RINT1: variants seen among roughly 807,000 people sequenced by gnomAD.
RINT1 encodes RAD50 interactor 1, also known as RAD50-interacting protein 1.
RINT1 carries 75 observed loss-of-function variants against 97.7 expected under a neutral mutation model. The observed-to-expected ratio is 0.77, with a 90% CI of 0.64 to 0.93. The LOEUF is 0.93. RINT1 is among the 40% of genes least tolerant of loss of function. RINT1 has a pLI of 0.00. For synonymous variants in RINT1, 303 were observed against 326.3 expected (o/e 0.93, Z 0.77); for missense variants, 892 against 925.2 (o/e 0.96, Z 0.47).
At position 105,565,440 on chromosome 7, in the gene RINT1, G is replaced by T. The variant is rs768627748; in HGVS notation, c.2050G>T (p.Val684Leu). The T allele has an allele frequency of 3.7e-6, 6 of 1,614,082 alleles. No individual in the cohort carries two copies. The highest frequency in any genetic ancestry group is 5.1e-6 in the Non-Finnish European group (6 of 1,179,946). Reference sequence around the variant, plus strand: ...GCAAATGCTTGTAGAGAAGCTGGATGTATACATCTACCAAGAAGTAAGTAA... The same window carrying T: ...GCAAATGCTTGTAGAGAAGCTGGATTTATACATCTACCAAGAAGTAAGTAA... ...FWQMLVEKLD[V>L]YIYQEIILAN... The change falls in exon 13 of 15, where the codon GTA becomes TTA. Residue 684 changes from valine (V) to leucine (L), a missense_variant. Transcript: ENST00000257700.
intron 10 of RINT1, among the ~76,000 whole-genome samples, chr7:105,553,976 G>T (rs1249900941): frequency 1.6e-4 from 21 of 128,860 alleles, no homozygotes; most frequent in African/African-American, 2.1e-4. Flanking sequence ...TCAGCTCACC[G>T]CAAGCTCTGC....
intron 14 of RINT1, among the ~76,000 whole-genome samples, chr7:105,566,008 G>A (rs1301083831): frequency 4.6e-5 from 7 of 152,108 alleles, no homozygotes; most frequent in African/African-American, 1.2e-4. Flanking sequence ...GGTGGCTCAC[G>A]CCTGTAATCC....
At chr7:105,565,214 G>C (rs904888408) in intron 12 of RINT1, 63 bp from the exon 13 acceptor site, 1 of 1,460,448 alleles carries the variant, frequency 6.8e-7, no homozygotes, top group African/African-American at 1.4e-5. Flanking sequence ...AATTTAAAAT[G>C]ATTTAAAAAC....
rs201836545 is a variant in RINT1 at position 105,555,241 on chromosome 7, C to T, written c.1671+14C>T. 22 of 1,589,542 alleles carry T rather than the reference C, an allele frequency of 1.4e-5. No individual in the cohort carries two copies. Among genetic ancestry groups the T allele is most frequent in the Non-Finnish European group, 1.7e-5 (20 of 1,160,634 alleles). ...GCTGACAATGTTGTGAGTTAATATG[C>T]TTTTATATTAAGTAATATATACTAG... On this transcript the variant is annotated intron_variant, in intron 11 of 14. Transcript: ENST00000257700.
intron 11 of RINT1, among the ~76,000 whole-genome samples, chr7:105,558,857 G>A (rs1323751229): frequency 6.6e-6 from 1 of 151,952 alleles, no homozygotes; most frequent in Non-Finnish European, 1.5e-5. Context: ...GCTACTTGGA[G>A]GCTGAGGTGG....
At chr7:105,565,496 A>T in intron 13 of RINT1, 34 bp from the exon 14 acceptor site, 1 of 1,610,912 alleles carries the variant, frequency 6.2e-7, no homozygotes, top group Non-Finnish European at 8.5e-7. Flanking sequence ...GTGATAATAA[A>T]GACAACTGTT....
At position 105,555,055 on chromosome 7, in the gene RINT1, C is replaced by T; in HGVS notation, c.1499C>T (p.Ser500Phe). 1 of 1,613,848 alleles carries T rather than the reference C, an allele frequency of 6.2e-7. No individual in the cohort carries two copies. The highest frequency in any genetic ancestry group is 8.5e-7 in the Non-Finnish European group (1 of 1,179,940). Residue 500 changes from serine to phenylalanine, a missense_variant, in exon 11 of 15, where the codon TCC becomes TTC. Coordinates refer to ENST00000257700, the MANE Select transcript of RINT1 (RefSeq NM_021930.6). Reference sequence around the variant, plus strand: ...AGGTATAAAAATCTTCCCACAGCTTCCCGAAAGCTTCAGTTCCTGGAGTTA... The same window carrying T: ...AGGTATAAAAATCTTCCCACAGCTTTCCGAAAGCTTCAGTTCCTGGAGTTA... Reference protein sequence around the residue: ...TDRYKNLPTASRKLQFLELQK... With the variant: ...TDRYKNLPTAFRKLQFLELQK...
At chr7:105,546,098 G>A (rs1790657947) in intron 4 of RINT1, among the ~76,000 whole-genome samples, 1 of 152,142 alleles carries the variant, frequency 6.6e-6, no homozygotes, top group Admixed American at 6.6e-5. Context: ...CAAAGTGCTG[G>A]GATTACAGGG....
chr7:105,561,256 G>A (rs1483471613), intron 11 of RINT1, among the ~76,000 whole-genome samples: 1 of 152,042 alleles, frequency 6.6e-6, no homozygotes, highest in Non-Finnish European at 1.5e-5. Flanking sequence ...CGCCAGGCAT[G>A]GTGGCTCACA....
chr7:105,548,740 T>G, intron 7 of RINT1, 30 bp downstream of exon 7: 1 of 1,571,934 alleles, frequency 6.4e-7, no homozygotes, highest in Non-Finnish European at 8.6e-7. Flanking sequence ...GTCCTTGGTT[T>G]TTATTGGTAA....
intron 3 of RINT1, among the ~76,000 whole-genome samples, chr7:105,538,348 G>A (rs1790328566): frequency 6.6e-6 from 1 of 152,128 alleles, no homozygotes; most frequent in African/African-American, 2.4e-5. Flanking sequence ...TTCTGTGTGG[G>A]TTATTTCCAG....
rs551292149 is a variant in RINT1, at chr7:105,543,821, T to C, written c.515+1172T>C. ...ATCTTTGTTTTTAGGCCAGGTGCAGTGGCTCACACCTGTAATCCCAGCACT... is the reference window on the plus strand; with the variant it reads ...ATCTTTGTTTTTAGGCCAGGTGCAGCGGCTCACACCTGTAATCCCAGCACT... On this transcript the variant is annotated intron_variant, in intron 4 of 14. Transcript: ENST00000257700. Among the ~76,000 whole-genome samples, 108 of 152,124 alleles carry C rather than the reference T, an allele frequency of 7.1e-4. 1 individual carries two copies. The South Asian group carries it at 0.011, about 15-fold the overall frequency.
chr7:105,545,749 C>T (rs192282664), intron 4 of RINT1, among the ~76,000 whole-genome samples: 424 of 150,802 alleles, frequency 2.8e-3, no homozygotes, highest in Middle Eastern at 0.014. Flanking sequence ...AGGCTGGTCT[C>T]GAACTCCTGA....
intron 6 of RINT1, 54 bp from the exon 7 acceptor site, chr7:105,548,500 T>C: frequency 6.5e-7 from 1 of 1,536,390 alleles, no homozygotes; most frequent in Non-Finnish European, 9.0e-7. Context: ...CATACATATG[T>C]GTGTGTATAT....
chr7:105,565,368 CTT>C lies in RINT1; in HGVS notation c.1979_1980del (p.Leu660ProfsTer12). The C allele has an allele frequency of 2.5e-6, 4 of 1,614,166 alleles. No homozygotes were observed. The highest frequency in any genetic ancestry group is 3.4e-6 in the Non-Finnish European group (4 of 1,180,016). On this transcript the variant is annotated frameshift_variant, in exon 13 of 15. Transcript: ENST00000257700. LOFTEE classifies it high-confidence loss of function. ...PLLLTLRDHLLQLEQQLCFSL... is the reference protein window; with the variant it reads ...PLLLTLRDHLXQLEQQLCFSL... ...GCTGCTGACGTTACGAGACCATTTA[CTT>C]CAGTTGGAGCAGCAGCTTTGTTTCT...
chr7:105,536,365 G>T (rs1268079934), intron 2 of RINT1, among the ~76,000 whole-genome samples, 200 bp from the exon 3 acceptor site: 1 of 151,864 alleles, frequency 6.6e-6, no homozygotes, highest in Admixed American at 6.6e-5. Context: ...CGCCGTGTTT[G>T]CCAGGCTAGT....
At chr7:105,540,891 G>A (rs1265138067) in intron 3 of RINT1, among the ~76,000 whole-genome samples, 4 of 147,598 alleles carry the variant, frequency 2.7e-5, no homozygotes, top group Non-Finnish European at 5.9e-5. Flanking sequence ...AGGCTAGATG[G>A]CAGTGGCGCA....
chr7:105,563,704 CTAATGTGT>C (rs1432409024), intron 11 of RINT1, 21 bp from the exon 12 acceptor site: 1 of 1,542,980 alleles, frequency 6.5e-7, no homozygotes, highest in Non-Finnish European at 8.9e-7. Context: ...AAAAAGTATG[CTAATGTGT>C]TAACATGTTT....
chr7:105,565,502 C>A (rs2133479362), intron 13 of RINT1, 28 bp from the exon 14 acceptor site: 6 of 1,610,222 alleles, frequency 3.7e-6, no homozygotes, highest in Non-Finnish European at 5.1e-6. Flanking sequence ...ATAAAGACAA[C>A]TGTTATATGA....
Sources: gnomAD v4.1 joint callset for allele counts (sites outside exome capture counted in the v4.1 genomes callset) on GRCh38, gnomAD v4.1.1 for gene constraint, MANE v1.5 for transcripts, NCBI Gene and HGNC (gene_info 2026-07-23, HGNC 2026-07-21) for gene names.